Variants in SPTBN2 observed in about 807,000 individuals in gnomAD.
SPTBN2 encodes the protein spectrin beta, non-erythrocytic 2.
SPTBN2 carries 107 observed loss-of-function variants against 284.2 expected under a neutral mutation model. The ratio of observed to expected loss-of-function variants is 0.38; its 90% CI spans 0.32 to 0.44. The LOEUF (loss-of-function observed/expected upper bound fraction) is 0.44, where lower values mean the gene tolerates loss of function less well. SPTBN2 is among the 20% of genes least tolerant of loss of function. The probability of loss-of-function intolerance (pLI) is 1.00; values close to 1 mark genes in which losing one functional copy is unlikely to be tolerated. For missense variants in SPTBN2, 2,569 were observed against 3,287.1 expected (o/e 0.78, Z 5.34); for synonymous variants, 1,289 against 1,354.8 (o/e 0.95, Z 1.07).
At position 66,715,741 on chromosome 11, in the gene SPTBN2, C is replaced by A; in HGVS notation, c.309+89G>T. On this transcript the variant is annotated intron_variant, in intron 4 of 37. Coordinates refer to ENST00000533211, the MANE Select transcript of SPTBN2 (RefSeq NM_006946.4). This position sits in a 1 kb window ranked among gnomAD's most constrained non-coding sequence, Gnocchi z 5.3. ...GGAGCCACTGCTTCCCGCCCTGTGCCGTCACTCTCTCTGAGGGCTGTTCTT... is the reference window on the plus strand; with the variant it reads ...GGAGCCACTGCTTCCCGCCCTGTGCAGTCACTCTCTCTGAGGGCTGTTCTT... 1 of 1,548,958 alleles carries A rather than the reference C, an allele frequency of 6.5e-7. No homozygotes were observed. The highest frequency in any genetic ancestry group is 1.9e-5 in the Admixed American group (1 of 53,540).
upstream of SPTBN2, among the ~76,000 whole-genome samples, chr11:66,730,544 C>CTG: frequency 6.7e-6 from 1 of 148,956 alleles, no homozygotes; most frequent in South Asian, 2.1e-4. Context: ...TGTGCCACTG[C>CTG]ACTTCAGCCT....
chr11:66,707,430 G>A lies in SPTBN2; in HGVS notation c.1653+86C>T, dbSNP rs1416686559. On this transcript the variant is annotated intron_variant, in intron 13 of 37. Transcript: ENST00000533211. This position sits in a 1 kb window ranked among gnomAD's most constrained non-coding sequence, Gnocchi z 4.9. ...TGCTGGTTCACACTCCACAGAGATC[G>A]GCCGAGCAGACGGGCGGACGCACCC... 10 of 1,409,902 alleles carry A rather than the reference G, an allele frequency of 7.1e-6. No homozygotes were observed. The highest frequency in any genetic ancestry group is 5.0e-5 in the East Asian group (2 of 40,258). The allele number at this position is 1,409,902 out of a possible 1,614,324, so 87.3% of individuals were successfully genotyped here.
At chr11:66,712,524 G>A (rs1941922150) in intron 8 of SPTBN2, among the ~76,000 whole-genome samples, 2 of 150,076 alleles carry the variant, frequency 1.3e-5, no homozygotes. Context: ...TCCAGTCTGG[G>A]CAACAGAGTG....
At chr11:66,724,942 T>A (rs1386327160) in intron 1 of SPTBN2, among the ~76,000 whole-genome samples, 1 of 152,102 alleles carries the variant, frequency 6.6e-6, no homozygotes, top group Non-Finnish European at 1.5e-5. Context: ...GGGGTTTTGT[T>A]AAAGTTACAA....
intron 8 of SPTBN2, chr11:66,713,157 A>G (rs1941963088): frequency 4.8e-6 from 1 of 208,344 alleles, no homozygotes; most frequent in African/African-American, 2.4e-5. Context: ...CTGGGACACA[A>G]CCCACAGTCC....
At position 66,699,392 on chromosome 11, in the gene SPTBN2, T is replaced by C. The variant is rs1157001059; in HGVS notation, c.3776+14A>G. On this transcript the variant is annotated intron_variant, in intron 18 of 37. Transcript: ENST00000533211. ...CCCCTGGGAACCCTAATTCATGGAC[T>C]GTCCTCATCAGACCTCCTCTCAATG... 1 of 1,613,738 alleles carries C rather than the reference T, an allele frequency of 6.2e-7. No individual in the cohort carries two copies. Among genetic ancestry groups the C allele is most frequent in the Non-Finnish European group, 8.5e-7 (1 of 1,179,820 alleles).
At chr11:66,727,808 C>A (rs987933332) in intron 1 of SPTBN2, among the ~76,000 whole-genome samples, 5 of 151,192 alleles carry the variant, frequency 3.3e-5, no homozygotes, top group African/African-American at 1.2e-4. Context: ...CCTGGCCCGG[C>A]GCCGGCCCGT....
rs985240893 is a variant in SPTBN2 at position 66,683,667 on chromosome 11, A to C, written c.*2204T>G. Among the ~76,000 whole-genome samples the C allele has an allele frequency of 2.0e-5, 3 of 152,184 alleles. No individual in the cohort carries two copies. Among genetic ancestry groups the C allele is most frequent in the African/African-American group, 4.8e-5 (2 of 41,440 alleles). ...CTCTCCGTTGACAATGCCTGCCCCT[A>C]CTGCAGGACTGCTTCAATTGGCTGT... On this transcript the variant is annotated 3_prime_UTR_variant, in exon 38 of 38. Coordinates refer to ENST00000533211, the MANE Select transcript of SPTBN2 (RefSeq NM_006946.4).
At position 66,710,836 on chromosome 11, in the gene SPTBN2, C is replaced by T; in HGVS notation, c.886-67G>A. The T allele has an allele frequency of 2.5e-6, 4 of 1,611,260 alleles. No individual in the cohort carries two copies. Among genetic ancestry groups the T allele is most frequent in the South Asian group, 2.2e-5 (2 of 90,944 alleles). The stretch of plus-strand genomic sequence containing the variant: ...GGTCCCTGGCCCAGTCCTGCAGCTC[C>T]ACCCTGCCCTTGCACTAGGGCAGTA... On this transcript the variant is annotated intron_variant, in intron 9 of 37. Transcript: ENST00000533211. This position sits in a 1 kb window ranked among gnomAD's most constrained non-coding sequence, Gnocchi z 4.9.
intron 1 of SPTBN2, among the ~76,000 whole-genome samples, chr11:66,743,247 C>G (rs1942913550): frequency 6.6e-6 from 1 of 151,688 alleles, no homozygotes; most frequent in Admixed American, 6.6e-5. Context: ...CTACCTTGCT[C>G]CAATAGGTCT....
In SPTBN2 at chr11:66,705,437, C is replaced by A. The variant is rs774265056; in HGVS notation, c.1839G>T (p.Ser613=). The A allele has an allele frequency of 6.2e-7, 1 of 1,612,928 alleles. No individual in the cohort carries two copies. Among genetic ancestry groups the A allele is most frequent in the Non-Finnish European group, 8.5e-7 (1 of 1,180,036 alleles). ...TCTGCTCTAGCTTGGCCACCCGCTC[C>A]GACACCAGCTGCGGGTCGCAAGGTC... is the stretch of plus-strand genomic sequence containing the variant. The part of the protein sequence containing the change: ...EYRPCDPQLV[S]ERVAKLEQSY... Residue 613 remains serine, a synonymous_variant, in exon 15 of 38, where the codon TCG becomes TCT. Transcript: ENST00000533211.
At chr11:66,732,410 G>A (rs1942819611), upstream of SPTBN2, among the ~76,000 whole-genome samples, 1 of 152,192 alleles carries the variant, frequency 6.6e-6, no homozygotes, top group Non-Finnish European at 1.5e-5. Flanking sequence ...AGCACTTTGG[G>A]AGGCCAAAGT....
intron 1 of SPTBN2, among the ~76,000 whole-genome samples, chr11:66,727,315 G>C (rs767545743): frequency 1.1e-4 from 16 of 152,154 alleles, no homozygotes; most frequent in Non-Finnish European, 2.1e-4. Flanking sequence ...TGAAACCCCC[G>C]GGCTCTCCAG....
intron 1 of SPTBN2, chr11:66,728,215 G>A (rs1218426433): frequency 6.9e-6 from 1 of 145,604 alleles, no homozygotes; most frequent in Non-Finnish European, 1.5e-5. Flanking sequence ...GGGGCGCACC[G>A]GTAGTTGCCG....
intron 3 of SPTBN2, among the ~76,000 whole-genome samples, chr11:66,717,516 T>C (rs1942202474): frequency 6.6e-6 from 1 of 152,138 alleles, no homozygotes. Flanking sequence ...CTCCAGCCAC[T>C]ATACTGGCAC....
At chr11:66,694,035 G>T (rs1590924077) in intron 22 of SPTBN2, 104 bp downstream of exon 22, 2 of 1,451,176 alleles carry the variant, frequency 1.4e-6, no homozygotes, top group East Asian at 2.3e-5. Flanking sequence ...ATGCCAAAGA[G>T]AAGAGGGAAT....
chr11:66,717,704 G>A (rs1942211074), intron 3 of SPTBN2, among the ~76,000 whole-genome samples: 1 of 152,192 alleles, frequency 6.6e-6, no homozygotes, highest in Non-Finnish European at 1.5e-5. Flanking sequence ...CTGGGGTGAG[G>A]CCATTTTGGC....
At position 66,700,481 on chromosome 11, in the gene SPTBN2, T is replaced by C. The variant is rs1322035446; in HGVS notation, c.3573+45A>G. On this transcript the variant is annotated intron_variant, in intron 17 of 37. Coordinates refer to ENST00000533211, the MANE Select transcript of SPTBN2 (RefSeq NM_006946.4). The surrounding 1 kb of genome is among the most constrained non-coding windows in gnomAD (Gnocchi z 6.6). ...GCTCCTTCACATTTCCCCGGGTCCC[T>C]ACTTTGCTCTTCCTCCTGCTTGGGA... The C allele has an allele frequency of 6.3e-7, 1 of 1,598,918 alleles. No homozygotes were observed. Among genetic ancestry groups the C allele is most frequent in the Non-Finnish European group, 8.5e-7 (1 of 1,179,750 alleles).
chr11:66,744,636 G>A (rs968594516), exon 1 of SPTBN2: 2 of 315,922 alleles, frequency 6.3e-6, no homozygotes, highest in African/African-American at 2.2e-5. Context: ...GCTCTAGGTG[G>A]CTCCCGGCGG....
Sources: gnomAD v4.1 joint callset for allele counts (sites outside exome capture counted in the v4.1 genomes callset) on GRCh38, gnomAD v4.1.1 for gene constraint, Gnocchi (gnomAD v3.1) non-coding constraint, MANE v1.5 for transcripts, NCBI Gene and HGNC (gene_info 2026-07-23, HGNC 2026-07-21) for gene names.